Variants in PCDH1 observed in about 807,000 individuals in gnomAD.
PCDH1 encodes protocadherin 1.
In PCDH1, 23 loss-of-function variants were observed where a neutral mutation model predicts 74.6. That is an observed-to-expected ratio of 0.31 (90% CI 0.22 to 0.44). PCDH1 has a LOEUF of 0.44. PCDH1 is among the 20% of genes least tolerant of loss of function. PCDH1 has a pLI of 1.00. For synonymous variants in PCDH1, 647 were observed against 686.1 expected (o/e 0.94, Z 0.89); for missense variants, 1,214 against 1,641.4 (o/e 0.74, Z 4.50).
Position 141,864,327 on chromosome 5 carries a change from T to C in PCDH1, c.2004A>G (p.Leu668=), listed in dbSNP as rs780300513. 1 of 1,614,116 alleles carries C rather than the reference T, an allele frequency of 6.2e-7. No individual in the cohort carries two copies. Among genetic ancestry groups the C allele is most frequent in the Admixed American group, 1.7e-5 (1 of 60,030 alleles). ...GCTCTCGATCAAAGCTCAGGCTGGA[T>C]AGGATGGTGCCTGTGCCATTCTGGA... ...FVIQNGTGTI[L]SSLSFDREQQ... Residue 668 remains leucine (L), a synonymous_variant, in exon 3 of 5, where the codon CTA becomes CTG. Transcript: ENST00000287008. The surrounding 1 kb of genome is among the most constrained non-coding windows in gnomAD (Gnocchi z 5.9).
chr5:141,871,682 C>A (rs564715569), intron 1 of PCDH1, among the ~76,000 whole-genome samples: 1 of 152,336 alleles, frequency 6.6e-6, no homozygotes, highest in South Asian at 2.1e-4. Flanking sequence ...TGTCTTTGCT[C>A]CAAGATGGTG....
chr5:141,867,719 C>G (rs942669518), intron 2 of PCDH1: 1 of 395,106 alleles, frequency 2.5e-6, no homozygotes, highest in South Asian at 1.9e-5. Flanking sequence ...CAGGGCAGGC[C>G]GAGCCTCCTC....
chr5:141,856,326 G>T, intron 4 of PCDH1: 1 of 1,327,962 alleles, frequency 7.5e-7, no homozygotes, highest in Non-Finnish European at 1.0e-6. Context: ...GGGTGGGGGT[G>T]GAGGGCACTC....
chr5:141,857,017 G>A (rs895292694), intron 4 of PCDH1, among the ~76,000 whole-genome samples: 1 of 152,226 alleles, frequency 6.6e-6, no homozygotes, highest in African/African-American at 2.4e-5. Flanking sequence ...CTTTGGGCAA[G>A]TGACTTAACC....
rs2126816235 is a variant in PCDH1, at chr5:141,864,286, G to A, written c.2045C>T (p.Thr682Ile). ...ACCATCCACTGCCTTCAGCTGGAAG[G>A]TGTAGGTGCTTTGTTGCTCTCGATC... The part of the protein sequence containing the change: ...SFDREQQSTY[T>I]FQLKAVDGGV... The change falls in exon 3 of 5, where the codon ACC becomes ATC. Residue 682 changes from threonine (T) to isoleucine (I), a missense_variant. Around this residue, in one of 4 missense-constraint regions of PCDH1, gnomAD observed 836 missense variants for 1,182.2 expected, o/e 0.71. Transcript: ENST00000287008. The surrounding 1 kb of genome is among the most constrained non-coding windows in gnomAD (Gnocchi z 5.9). 6.2e-7 allele frequency: 1 copy of A among 1,613,932 alleles called. No homozygotes were observed. The highest frequency in any genetic ancestry group is 2.2e-5 in the East Asian group (1 of 44,868).
intron 3 of PCDH1, among the ~76,000 whole-genome samples, chr5:141,860,916 G>C (rs576534273): frequency 2.6e-5 from 4 of 152,204 alleles, no homozygotes; most frequent in Admixed American, 2.0e-4. Context: ...AGGAGCTCAA[G>C]ACCAGCCTGA....
Position 141,854,141 on chromosome 5 carries a change from C to T in PCDH1, c.3615G>A (p.Ser1205=), listed in dbSNP as rs778292182. ...TCAGGGGGATTTCCTCCAAGGTGGC[C>T]GAGTCCTTGCAGGAATCATGGCTAC... The part of the protein sequence containing the change: ...SHSSHDSCKD[S]ATLEEIPLTQ... The change falls in exon 5 of 5, where the codon TCG becomes TCA. Residue 1205 remains serine, a synonymous_variant. Coordinates refer to ENST00000287008, the MANE Select transcript of PCDH1 (RefSeq NM_032420.5). The T allele has an allele frequency of 2.7e-5, 43 of 1,598,234 alleles. No homozygotes were observed. In the South Asian group the frequency reaches 2.9e-4, roughly 11 times the overall value.
chr5:141,868,960 G>A lies in PCDH1; in HGVS notation c.512C>T (p.Pro171Leu), dbSNP rs1256778707. ...INDNTPNFAS[P>L]VITLAIPENT... ...CTCAGGGATGGCCAGAGTGATGACT[G>A]GTGAGGCGAAGTTGGGTGTGTTGTC... Residue 171 changes from proline to leucine, a missense_variant, in exon 2 of 5, where the codon CCA (proline) becomes CTA (leucine). Pro to Leu is a moderately conservative substitution (Grantham distance 98). Coordinates refer to ENST00000287008, the MANE Select transcript of PCDH1 (RefSeq NM_032420.5). The surrounding 1 kb of genome is among the most constrained non-coding windows in gnomAD (Gnocchi z 4.8). The A allele has an allele frequency of 6.2e-7, 1 of 1,614,066 alleles. No individual in the cohort carries two copies. The highest frequency in any genetic ancestry group is 1.3e-5 in the African/African-American group (1 of 74,928).
At chr5:141,871,073 C>T (rs760077399) in intron 1 of PCDH1, among the ~76,000 whole-genome samples, 7 of 152,198 alleles carry the variant, frequency 4.6e-5, no homozygotes, top group African/African-American at 9.7e-5. Context: ...ACTGGGACAC[C>T]GCCCGCCTGT....
chr5:141,869,854 G>C lies in PCDH1; in HGVS notation c.41-423C>G, dbSNP rs906149006. On this transcript the variant is annotated intron_variant, in intron 1 of 4. Transcript: ENST00000287008. The surrounding 1 kb of genome is among the most constrained non-coding windows in gnomAD (Gnocchi z 4.9). ...AATTACCTTGATACTGAGATAGGGA[G>C]AGAGAGCCAGTGGAAGGGTGAGACC... 1.8e-5 allele frequency: 17 copies of C among 965,200 alleles called. No homozygotes were observed. The highest frequency in any genetic ancestry group is 5.3e-4 in the Middle Eastern group (1 of 1,894). 59.8% of individuals were successfully genotyped at this position (965,200 alleles called of 1,614,324 possible).
intron 3 of PCDH1, among the ~76,000 whole-genome samples, chr5:141,860,105 G>A (rs1349155527): frequency 6.6e-6 from 1 of 152,128 alleles, no homozygotes; most frequent in African/African-American, 2.4e-5. Flanking sequence ...TTGACAAGCT[G>A]ACTTTCTCCT....
chr5:141,860,132 C>T (rs1271179989), intron 3 of PCDH1, among the ~76,000 whole-genome samples: 5 of 152,116 alleles, frequency 3.3e-5, no homozygotes, highest in Admixed American at 3.3e-4. Flanking sequence ...AGCCCATTTC[C>T]ATGTCTTGTA....
Position 141,878,362 on chromosome 5 carries a change from C to T in PCDH1, c.-100G>A. On this transcript the variant is annotated 5_prime_UTR_variant, in exon 1 of 5. Coordinates refer to ENST00000287008, the MANE Select transcript of PCDH1 (RefSeq NM_032420.5). This position sits in a 1 kb window ranked among gnomAD's most constrained non-coding sequence, Gnocchi z 5.5. ...CGGCTCCGGCTGGCTCTGGGCGCAG[C>T]AGCCCGGCGGCTTTGCGTCCGCGCC... 1 of 935,664 alleles carries T rather than the reference C, an allele frequency of 1.1e-6. No individual in the cohort carries two copies. The highest frequency in any genetic ancestry group is 1.4e-6 in the Non-Finnish European group (1 of 738,540). 58.0% of individuals were successfully genotyped at this position (935,664 alleles called of 1,614,324 possible). A position where few individuals can be genotyped will look rare whatever the true frequency, so the allele number is the denominator to read the frequency against.
rs565577331 is a variant in PCDH1, at chr5:141,871,077, C to T, written c.41-1646G>A. Among the ~76,000 whole-genome samples the T allele has an allele frequency of 2.2e-4, 33 of 152,362 alleles. No individual in the cohort carries two copies. In the South Asian group the frequency reaches 4.1e-3, roughly 19 times the overall value. The stretch of plus-strand genomic sequence containing the variant: ...TCATGGGGCTGACTGGGACACCGCC[C>T]GCCTGTGTTGTTCAGCTTCAGTATT... On this transcript the variant is annotated intron_variant, in intron 1 of 4. Transcript: ENST00000287008.
intron 3 of PCDH1, among the ~76,000 whole-genome samples, chr5:141,860,378 G>T (rs1752516580): frequency 6.6e-6 from 1 of 151,794 alleles, no homozygotes; most frequent in African/African-American, 2.4e-5. Flanking sequence ...CAGGTGTGGT[G>T]GTGCACGACT....
chr5:141,873,179 G>A (rs945240172), intron 1 of PCDH1, among the ~76,000 whole-genome samples: 1 of 151,872 alleles, frequency 6.6e-6, no homozygotes, highest in African/African-American at 2.4e-5. Flanking sequence ...AGGCTGGAGT[G>A]CAGTGGTGCG....
Position 141,863,296 on chromosome 5 carries a change from G to T in PCDH1, c.3035C>A (p.Thr1012Lys). The stretch of plus-strand genomic sequence containing the variant: ...GTAGTCGGAGTACTGCTCAGAGCCC[G>T]TGGACGTGGTGTCCCCGGTGCCCAC... ...TFVGTGDTTS[T>K]GSEQYSDYSY... Residue 1012 changes from threonine (T) to lysine (K), a missense_variant, in exon 3 of 5, where the codon ACG becomes AAG. By Grantham distance (78) the Thr-to-Lys change is moderately conservative. Transcript: ENST00000287008. The surrounding 1 kb of genome is among the most constrained non-coding windows in gnomAD (Gnocchi z 7.5). 6.4e-7 allele frequency: 1 copy of T among 1,573,544 alleles called. No homozygotes were observed. Among genetic ancestry groups the T allele is most frequent in the Non-Finnish European group, 8.6e-7 (1 of 1,159,240 alleles).
chr5:141,872,411 A>G (rs1032123647), intron 1 of PCDH1, among the ~76,000 whole-genome samples: 1 of 152,252 alleles, frequency 6.6e-6, no homozygotes, highest in Non-Finnish European at 1.5e-5. Context: ...TGTTCTCTCC[A>G]GATCGAGGAT....
intron 2 of PCDH1, among the ~76,000 whole-genome samples, chr5:141,866,667 T>C (rs1046814089): frequency 2.0e-5 from 3 of 152,192 alleles, no homozygotes; most frequent in Non-Finnish European, 4.4e-5. Context: ...TTAACCTCCC[T>C]AAGCCTCAGT....
Sources: allele counts gnomAD v4.1 joint callset (sites outside exome capture counted in the v4.1 genomes callset), GRCh38; gene constraint gnomAD v4.1.1; regional missense constraint gnomAD v4.1.1; non-coding constraint Gnocchi (gnomAD v3.1); transcripts MANE v1.5; gene names NCBI Gene and HGNC (gene_info 2026-07-23, HGNC 2026-07-21).